Variants in ABCB4 observed in about 807,000 individuals in gnomAD.
ABCB4 encodes the protein phosphatidylcholine translocator ABCB4.
Under a neutral mutation model 145.7 loss-of-function variants are expected in ABCB4, and 76 were observed. The ratio of observed to expected loss-of-function variants is 0.52; its 90% CI spans 0.43 to 0.63. ABCB4 has a LOEUF of 0.63. Ranked by LOEUF, ABCB4 falls within the 30% of genes least tolerant of loss-of-function variation. The pLI is 0.00. For synonymous variants in ABCB4, 517 were observed against 566.8 expected (o/e 0.91, Z 1.25); for missense variants, 1,234 against 1,553.1 (o/e 0.79, Z 3.45).
the ABCB4 span, among the ~76,000 whole-genome samples, chr7:87,395,568 A>G: frequency 6.6e-6 from 1 of 152,222 alleles, no homozygotes; most frequent in South Asian, 2.1e-4. Flanking sequence ...TTTGTCTGTA[A>G]AGCTGTTAAC....
At chr7:87,445,799 T>C (rs1015448860) in intron 9 of ABCB4, among the ~76,000 whole-genome samples, 6 of 152,214 alleles carry the variant, frequency 3.9e-5, no homozygotes, top group African/African-American at 1.4e-4. Context: ...AAAAATAATG[T>C]TGACCAAAAT....
At chr7:87,467,250 C>G (rs1419655782) in intron 3 of ABCB4, among the ~76,000 whole-genome samples, 1 of 152,068 alleles carries the variant, frequency 6.6e-6, no homozygotes, top group East Asian at 1.9e-4. Flanking sequence ...GATTGCAATC[C>G]TAGTCTCTGA....
At chr7:87,415,635 C>T (rs888008501) in intron 21 of ABCB4, among the ~76,000 whole-genome samples, 1 of 152,136 alleles carries the variant, frequency 6.6e-6, no homozygotes, top group Non-Finnish European at 1.5e-5. Flanking sequence ...GTATCTGGTA[C>T]AATTTCTCAT....
At chr7:87,375,744 C>G in the ABCB4 span, 3 of 1,612,544 alleles carry the variant, frequency 1.9e-6, no homozygotes, top group Non-Finnish European at 2.5e-6. Context: ...TTACACTTTT[C>G]TTAACGAAGC....
At chr7:87,463,117 T>C (rs1481548598) in intron 3 of ABCB4, among the ~76,000 whole-genome samples, 1 of 152,186 alleles carries the variant, frequency 6.6e-6, no homozygotes, top group Admixed American at 6.5e-5. Flanking sequence ...TCTAATTATG[T>C]TTAATTGGTA....
intron 3 of ABCB4, among the ~76,000 whole-genome samples, chr7:87,466,383 GA>G (rs1320758182): frequency 1.3e-5 from 2 of 152,184 alleles, no homozygotes; most frequent in Non-Finnish European, 2.9e-5. Context: ...AAGCCTCCAA[GA>G]AATATGGGAC....
intron 8 of ABCB4, 86 bp downstream of exon 8, chr7:87,449,882 G>A (rs1006116571): frequency 6.2e-7 from 1 of 1,602,024 alleles, no homozygotes; most frequent in Non-Finnish European, 8.5e-7. Context: ...TTAGGAAAGG[G>A]AAGGTAAAAA....
At chr7:87,448,441 T>C (rs919410655) in intron 8 of ABCB4, among the ~76,000 whole-genome samples, 6 of 152,210 alleles carry the variant, frequency 3.9e-5, no homozygotes, top group African/African-American at 1.4e-4. Flanking sequence ...TTTCCTCTGG[T>C]TGGGGGCTGC....
At chr7:87,378,922 A>G in the ABCB4 span, among the ~76,000 whole-genome samples, 1 of 152,196 alleles carries the variant, frequency 6.6e-6, no homozygotes, top group Non-Finnish European at 1.5e-5. Context: ...GGAGTATCTC[A>G]TCAGAGCTAC....
chr7:87,412,931 G>A (rs1271445372), intron 22 of ABCB4, among the ~76,000 whole-genome samples: 1 of 152,226 alleles, frequency 6.6e-6, no homozygotes, highest in East Asian at 1.9e-4. Flanking sequence ...ATCATATGAA[G>A]TGTGCATAAC....
In ABCB4 at chr7:87,447,178, T is replaced by G; in HGVS notation, c.861A>C (p.Lys287Asn). The change falls in exon 9 of 28, where the codon AAA becomes AAC. Residue 287 changes from lysine (K) to asparagine (N), a missense_variant. Physicochemically the swap from Lys to Asn is moderately conservative, Grantham distance 94. Coordinates refer to ENST00000649586, the MANE Select transcript of ABCB4 (RefSeq NM_000443.4). The part of the protein sequence containing the change: ...ERYQKHLENA[K>N]EIGIKKAISA... ...AAATAGCTTTTTTAATTCCAATCTC[T>G]TTGGCATTTTCTAAATGTTTCTGAT... 2 of 1,613,884 alleles carry G rather than the reference T, an allele frequency of 1.2e-6. No individual in the cohort carries two copies. The highest frequency in any genetic ancestry group is 1.7e-6 in the Non-Finnish European group (2 of 1,179,866).
the ABCB4 span, chr7:87,369,365 T>A: frequency 1.3e-6 from 2 of 1,582,740 alleles, no homozygotes; most frequent in Non-Finnish European, 1.7e-6. Flanking sequence ...GTTTTCTGTT[T>A]CTGTTTCCAG....
At chr7:87,397,408 T>G (rs1807570772), downstream of ABCB4, among the ~76,000 whole-genome samples, 1 of 152,194 alleles carries the variant, frequency 6.6e-6, no homozygotes, top group South Asian at 2.1e-4. Flanking sequence ...AATTACTTGT[T>G]TACCTATGAA....
chr7:87,447,260 C>A, intron 8 of ABCB4, 55 bp from the exon 9 acceptor site: 4 of 1,557,262 alleles, frequency 2.6e-6, no homozygotes, highest in East Asian at 2.3e-5. Context: ...ATCCATAGTC[C>A]GAGTCACACT....
intron 4 of ABCB4, 54 bp from the exon 5 acceptor site, chr7:87,454,646 T>C (rs979657027): frequency 1.1e-5 from 14 of 1,268,814 alleles, no homozygotes; most frequent in African/African-American, 1.5e-5. Flanking sequence ...TTAATAGGCA[T>C]TGCCAGGTTT....
intron 2 of ABCB4, 89 bp from the exon 3 acceptor site, chr7:87,472,764 A>G (rs1213970648): frequency 1.1e-6 from 1 of 944,368 alleles, no homozygotes; most frequent in African/African-American, 1.7e-5. Context: ...ACAATATTCA[A>G]CTATTATATT....
intron 23 of ABCB4, 99 bp downstream of exon 23, chr7:87,411,794 C>A: frequency 1.7e-6 from 2 of 1,159,032 alleles, no homozygotes; most frequent in South Asian, 1.3e-5. Context: ...CTGACCTCAT[C>A]TTTGGACACA....
the ABCB4 span, among the ~76,000 whole-genome samples, chr7:87,380,080 C>T: frequency 2.6e-5 from 4 of 151,976 alleles, no homozygotes; most frequent in African/African-American, 9.7e-5. Context: ...CACTGCACTC[C>T]CACCCAGGCA....
intron 24 of ABCB4, 54 bp downstream of exon 24, chr7:87,409,182 C>G: frequency 6.2e-7 from 1 of 1,606,320 alleles, no homozygotes; most frequent in Non-Finnish European, 8.5e-7. Context: ...ATCTAGCAGA[C>G]AGCAAACCTT....
Sources: gnomAD v4.1 joint callset for allele counts (sites outside exome capture counted in the v4.1 genomes callset) on GRCh38, gnomAD v4.1.1 for gene constraint, MANE v1.5 for transcripts, NCBI Gene and HGNC (gene_info 2026-07-23, HGNC 2026-07-21) for gene names.